The following KIF5C variants were observed in gnomAD, a reference collection of about 807,000 sequenced individuals.
KIF5C encodes the protein kinesin family member 5C.
In KIF5C, 18 loss-of-function variants were observed where a neutral mutation model predicts 125.2. The ratio of observed to expected loss-of-function variants is 0.14; its 90% CI spans 0.10 to 0.21. KIF5C has a LOEUF of 0.21. KIF5C is among the 10% of genes least tolerant of loss of function. The pLI, the probability that KIF5C is intolerant of heterozygous loss-of-function variation, is 1.00. For synonymous variants in KIF5C, 405 were observed against 434.0 expected (o/e 0.93, Z 0.83); for missense variants, 780 against 1,183.8 (o/e 0.66, Z 5.01).
intron 14 of KIF5C, 64 bp from the exon 15 acceptor site, chr2:148,983,556 T>A (rs749847194): frequency 2.7e-6 from 4 of 1,459,158 alleles, no homozygotes; most frequent in Non-Finnish European, 3.6e-6. Context: ...TTATTCTTTG[T>A]AATGTGGAGT....
chr2:148,965,466 G>A (rs1159016475), intron 11 of KIF5C, among the ~76,000 whole-genome samples: 1 of 152,120 alleles, frequency 6.6e-6, no homozygotes, highest in Non-Finnish European at 1.5e-5. Flanking sequence ...GATTTTTCTA[G>A]GGGCAAAGTT....
intron 14 of KIF5C, among the ~76,000 whole-genome samples, chr2:148,982,897 AATAG>A (rs1455022748): frequency 6.6e-6 from 1 of 152,234 alleles, no homozygotes; most frequent in African/African-American, 2.4e-5. Flanking sequence ...GAATTGTATA[AATAG>A]ATAACTGTTT....
At chr2:148,936,014 G>C (rs533251892) in intron 3 of KIF5C, among the ~76,000 whole-genome samples, 1 of 152,308 alleles carries the variant, frequency 6.6e-6, no homozygotes, top group East Asian at 1.9e-4. Context: ...ACTGCCGGAC[G>C]TGGTGGCTCA....
chr2:149,010,111 C>T (rs746156152), intron 23 of KIF5C, 24 bp from the exon 24 acceptor site: 5 of 1,529,954 alleles, frequency 3.3e-6, no homozygotes, highest in African/African-American at 1.4e-5. Flanking sequence ...GTAGTAACTC[C>T]CTTCCTTTAT....
At chr2:148,937,678 T>C (rs2105099347) in intron 4 of KIF5C, among the ~76,000 whole-genome samples, 1 of 152,334 alleles carries the variant, frequency 6.6e-6, no homozygotes, top group African/African-American at 2.4e-5. Flanking sequence ...GAAATGTGTT[T>C]GTGTTTGGGT....
intron 2 of KIF5C, among the ~76,000 whole-genome samples, chr2:148,927,220 C>T (rs1298418159): frequency 6.6e-6 from 1 of 152,094 alleles, no homozygotes; most frequent in Non-Finnish European, 1.5e-5. Flanking sequence ...GACCCAGAGG[C>T]GTGGATGAGA....
At chr2:148,922,102 TCCACC>T in intron 1 of KIF5C, 30 bp from the exon 2 acceptor site, 2 of 1,457,336 alleles carry the variant, frequency 1.4e-6, no homozygotes, top group Admixed American at 1.9e-5. Context: ...ATGTGTTTTT[TCCACC>T]TTTTTCTTCC....
intron 25 of KIF5C, among the ~76,000 whole-genome samples, chr2:149,014,516 C>G (rs1682303624): frequency 6.6e-6 from 1 of 152,208 alleles, no homozygotes; most frequent in Non-Finnish European, 1.5e-5. Context: ...GCTGAGGGGA[C>G]TGGCATTGGA....
chr2:148,929,248 G>A, intron 2 of KIF5C, 33 bp from the exon 3 acceptor site: 2 of 1,356,862 alleles, frequency 1.5e-6, no homozygotes, highest in Non-Finnish European at 2.0e-6. Context: ...TCAAAGTAAT[G>A]AGTTAATTTT....
chr2:149,003,175 C>T (rs1681908667), intron 21 of KIF5C, among the ~76,000 whole-genome samples: 1 of 152,248 alleles, frequency 6.6e-6, no homozygotes, highest in Non-Finnish European at 1.5e-5. Context: ...TTTCACTCAG[C>T]CTTGGAATCC....
chr2:148,940,962 G>A (rs1283309341), intron 4 of KIF5C, among the ~76,000 whole-genome samples: 1 of 152,180 alleles, frequency 6.6e-6, no homozygotes, highest in Non-Finnish European at 1.5e-5. Flanking sequence ...CTGTAGTAGG[G>A]TTCAGGGTTC....
At chr2:148,888,191 C>T (rs977783094) in intron 1 of KIF5C, 6 of 152,248 alleles carry the variant, frequency 3.9e-5, no homozygotes, top group African/African-American at 1.4e-4. Context: ...CGGGAAGGTG[C>T]TCCAGGCTCG....
chr2:148,902,011 C>G (rs995884813), intron 1 of KIF5C, among the ~76,000 whole-genome samples: 1 of 152,164 alleles, frequency 6.6e-6, no homozygotes, highest in African/African-American at 2.4e-5. Context: ...CTTGCCCCTC[C>G]CGAGGGTGGA....
Position 148,930,065 on chromosome 2 carries a change from C to T in KIF5C, c.291+711C>T, listed in dbSNP as rs148426134. Among the ~76,000 whole-genome samples the T allele has an allele frequency of 6.6e-5, 10 of 152,296 alleles. No individual in the cohort carries two copies. The East Asian group carries it at 1.7e-3, about 26-fold the overall frequency. ...TTTGTTAGTATTTGTGAAAATGGTA[C>T]CTGTGGTACTGGCTCTGGCCACCCC... On this transcript the variant is annotated intron_variant, in intron 3 of 25. Transcript: ENST00000435030.
At chr2:148,885,992 G>A (rs552214623) in intron 1 of KIF5C, 9 of 152,282 alleles carry the variant, frequency 5.9e-5, no homozygotes, top group African/African-American at 2.2e-4. Context: ...TTATATCATA[G>A]TTTTTCTCTG....
intron 10 of KIF5C, among the ~76,000 whole-genome samples, chr2:148,957,922 A>G (rs1682836794): frequency 6.6e-6 from 1 of 151,250 alleles, no homozygotes; most frequent in South Asian, 2.1e-4. Context: ...ATAGATTGTT[A>G]TTGCCTGTCT....
At chr2:148,964,848 G>A (rs1178070153) in intron 11 of KIF5C, among the ~76,000 whole-genome samples, 2 of 152,072 alleles carry the variant, frequency 1.3e-5, no homozygotes, top group Non-Finnish European at 1.5e-5. Flanking sequence ...TCATACCTTC[G>A]CATTTTTGAA....
chr2:148,983,573 A>T, intron 14 of KIF5C, 47 bp from the exon 15 acceptor site: 1 of 1,500,406 alleles, frequency 6.7e-7, no homozygotes, highest in South Asian at 1.4e-5. Context: ...GAGTGTATGA[A>T]ATTGATGGGC....
intron 10 of KIF5C, among the ~76,000 whole-genome samples, chr2:148,958,687 T>G (rs969996712): frequency 3.3e-5 from 5 of 152,094 alleles, no homozygotes; most frequent in African/African-American, 4.8e-5. Flanking sequence ...TATGTTCTAT[T>G]TAAGAAATCT....
Sources: gnomAD v4.1 joint callset for allele counts (sites outside exome capture counted in the v4.1 genomes callset) on GRCh38, gnomAD v4.1.1 for gene constraint, MANE v1.5 for transcripts, NCBI Gene and HGNC (gene_info 2026-07-23, HGNC 2026-07-21) for gene names.